The following PIGN variants were observed in gnomAD, a reference collection of about 807,000 sequenced individuals.
The protein encoded by PIGN is GPI ethanolamine phosphate transferase 1.
In PIGN, 117 loss-of-function variants were observed where a neutral mutation model predicts 125.4. The ratio of observed to expected loss-of-function variants is 0.93; its 90% CI spans 0.80 to 1.09. The LOEUF (loss-of-function observed/expected upper bound fraction) is 1.09, where lower values mean the gene tolerates loss of function less well. Ranked by LOEUF, PIGN falls within the 50% of genes least tolerant of loss-of-function variation. The pLI, the probability that PIGN is intolerant of heterozygous loss-of-function variation, is 0.00. For missense variants in PIGN, 1,075 were observed against 1,094.9 expected (o/e 0.98, Z 0.26); for synonymous variants, 392 against 377.8 (o/e 1.04, Z -0.44).
intron 28 of PIGN, 154 bp from the exon 29 acceptor site, chr18:62,074,975 G>A: frequency 3.6e-6 from 2 of 556,826 alleles, no homozygotes; most frequent in Non-Finnish European, 6.4e-6. Context: ...ATATTATCAT[G>A]GGTGACCATA....
rs1011432723 is a variant in PIGN, at chr18:62,184,431, C to T, written c.-236+2413G>A. ...ATAATACATTATTATAAGTAGTGATCGGTAATTTTTAATATTCCAGTGTGT... is the reference window on the plus strand; with the variant it reads ...ATAATACATTATTATAAGTAGTGATTGGTAATTTTTAATATTCCAGTGTGT... On this transcript the variant is annotated intron_variant, in intron 1 of 30. Transcript: ENST00000640252. 5.9e-5 allele frequency: 9 copies of T among 151,986 alleles called. No individual in the cohort carries two copies. The East Asian group carries it at 9.6e-4, about 16-fold the overall frequency. 9.4% of individuals were successfully genotyped at this position (151,986 alleles called of 1,614,324 possible). A position where few individuals can be genotyped will look rare whatever the true frequency, so the allele number is the denominator to read the frequency against.
At chr18:62,182,691 T>C (rs893395094) in intron 1 of PIGN, among the ~76,000 whole-genome samples, 3 of 152,208 alleles carry the variant, frequency 2.0e-5, no homozygotes, top group Non-Finnish European at 2.9e-5. Flanking sequence ...GCTTTTCTTT[T>C]TTCAAAAGAA....
chr18:62,123,254 A>T (rs1042120275), intron 14 of PIGN, among the ~76,000 whole-genome samples: 3 of 152,180 alleles, frequency 2.0e-5, no homozygotes, highest in East Asian at 1.9e-4. Flanking sequence ...AATGAAATTT[A>T]AAAAAATGAA....
intron 14 of PIGN, among the ~76,000 whole-genome samples, chr18:62,117,554 CT>C (rs750379401): frequency 6.6e-5 from 7 of 106,394 alleles, no homozygotes; most frequent in Admixed American, 1.8e-4. Flanking sequence ...GCCCCCCCCT[CT>C]AAAAAGAATC....
At chr18:62,137,921 C>T (rs2035993992) in intron 14 of PIGN, 1 of 253,920 alleles carries the variant, frequency 3.9e-6, no homozygotes. Context: ...TCCTAATCAA[C>T]CAAGCCAAGT....
chr18:62,157,152 T>G lies in PIGN; in HGVS notation c.419A>C (p.Asp140Ala). 6.2e-7 allele frequency: 1 copy of G among 1,605,712 alleles called. No homozygotes were observed. Among genetic ancestry groups the G allele is most frequent in the South Asian group, 1.1e-5 (1 of 89,988 alleles). ...ACCTTTGGCAAACATAGGCAGGATA[T>G]CTGGGCTTCCCCAGCTCCATGTGTA... Reference protein sequence around the residue: ...SKYTWSWGSPDILPMFAKGAS... With the variant: ...SKYTWSWGSPAILPMFAKGAS... Residue 140 changes from aspartate to alanine, a missense_variant, in exon 6 of 31, where the codon GAT becomes GCT. By Grantham distance (126) the Asp-to-Ala change is moderately radical (BLOSUM62 -2). Coordinates refer to ENST00000640252, the MANE Select transcript of PIGN (RefSeq NM_176787.5).
intron 25 of PIGN, among the ~76,000 whole-genome samples, chr18:62,086,617 T>G (rs1340130117): frequency 2.8e-5 from 3 of 107,712 alleles, no homozygotes; most frequent in African/African-American, 9.1e-5. Flanking sequence ...CTCCGTTTTT[T>G]GTTTTTTTTT....
intron 12 of PIGN, among the ~76,000 whole-genome samples, chr18:62,139,964 C>T (rs868452335): frequency 2.0e-4 from 31 of 152,088 alleles, no homozygotes; most frequent in African/African-American, 6.0e-4. Flanking sequence ...TCCCTTTAAA[C>T]GAAGTCAGTT....
At chr18:62,058,129 C>T (rs1251813462) in intron 30 of PIGN, among the ~76,000 whole-genome samples, 1 of 152,194 alleles carries the variant, frequency 6.6e-6, no homozygotes, top group Non-Finnish European at 1.5e-5. Flanking sequence ...TCTTGTAAAA[C>T]AGATGGGCCC....
At chr18:62,175,571 T>C (rs943424683) in intron 1 of PIGN, among the ~76,000 whole-genome samples, 1 of 152,190 alleles carries the variant, frequency 6.6e-6, no homozygotes, top group African/African-American at 2.4e-5. Context: ...TGGCCCTGCA[T>C]ACCTCTCTCA....
chr18:62,113,463 T>C (rs1463048535), intron 15 of PIGN, 147 bp from the exon 16 acceptor site: 1 of 575,032 alleles, frequency 1.7e-6, no homozygotes, highest in South Asian at 2.8e-5. Context: ...GAACAGATTT[T>C]AATTGTTCCA....
intron 23 of PIGN, among the ~76,000 whole-genome samples, chr18:62,018,059 C>T (rs1218944893): frequency 6.6e-6 from 1 of 152,222 alleles, no homozygotes; most frequent in Non-Finnish European, 1.5e-5. Context: ...GAAGAACAGT[C>T]AGAGGCTTTG....
At chr18:62,150,924 T>C (rs768592616) in intron 7 of PIGN, among the ~76,000 whole-genome samples, 38 of 152,128 alleles carry the variant, frequency 2.5e-4, no homozygotes, top group Non-Finnish European at 4.7e-4. Flanking sequence ...ATGGTCTCAA[T>C]CTCTTGAGAA....
intron 30 of PIGN, chr18:62,059,100 G>A (rs1205398173): frequency 2.0e-5 from 3 of 146,860 alleles, no homozygotes; most frequent in Admixed American, 1.4e-4. Context: ...AACTGAGTTG[G>A]GAAGATCACT....
At chr18:62,047,671 G>A (rs1450994762) in intron 30 of PIGN, among the ~76,000 whole-genome samples, 1 of 152,184 alleles carries the variant, frequency 6.6e-6, no homozygotes, top group Non-Finnish European at 1.5e-5. Context: ...GCAGAAATGA[G>A]GTAGTGTCCC....
chr18:62,131,205 T>A (rs2035724093), intron 14 of PIGN, among the ~76,000 whole-genome samples: 1 of 152,100 alleles, frequency 6.6e-6, no homozygotes, highest in South Asian at 2.1e-4. Flanking sequence ...GAAAATACAG[T>A]TTTTTGTTAA....
chr18:62,130,106 G>C (rs745868461), intron 14 of PIGN, among the ~76,000 whole-genome samples: 11 of 152,166 alleles, frequency 7.2e-5, no homozygotes, highest in Non-Finnish European at 1.6e-4. Flanking sequence ...GTAGAGGCAA[G>C]GGAAGATTCT....
chr18:62,084,481 AT>A, intron 27 of PIGN, 49 bp downstream of exon 27: 1 of 1,160,840 alleles, frequency 8.6e-7, no homozygotes, highest in Middle Eastern at 2.0e-4. Flanking sequence ...TGACTTTATA[AT>A]CTTAATCAAT....
At chr18:62,139,377 C>T (rs912661766) in intron 12 of PIGN, among the ~76,000 whole-genome samples, 1 of 152,148 alleles carries the variant, frequency 6.6e-6, no homozygotes, top group African/African-American at 2.4e-5. Context: ...AAAACAATTA[C>T]AATGGTAGGC....
Sources: allele counts gnomAD v4.1 joint callset (sites outside exome capture counted in the v4.1 genomes callset), GRCh38; gene constraint gnomAD v4.1.1; transcripts MANE v1.5; gene names NCBI Gene and HGNC (gene_info 2026-07-23, HGNC 2026-07-21).